Variants in IL20RA observed in about 807,000 individuals in gnomAD.
IL20RA encodes interleukin-20 receptor subunit alpha.
A neutral mutation model predicts 36.5 loss-of-function variants in IL20RA; 29 were observed. The ratio of observed to expected loss-of-function variants is 0.79; its 90% CI spans 0.59 to 1.08. The LOEUF (loss-of-function observed/expected upper bound fraction) is 1.08, where lower values mean the gene tolerates loss of function less well. Among genes scored for constraint, IL20RA ranks in the 50% least tolerant of loss-of-function variants. The probability of loss-of-function intolerance (pLI) is 0.00; values close to 1 mark genes in which losing one functional copy is unlikely to be tolerated. For synonymous variants in IL20RA, 279 were observed against 267.1 expected (o/e 1.04, Z -0.43); for missense variants, 652 against 668.4 (o/e 0.98, Z 0.27).
At chr6:137,027,888 A>G (rs1167849) in intron 1 of IL20RA, among the ~76,000 whole-genome samples, 87,619 of 152,186 alleles carry the variant, frequency 0.58, 30,574 homozygotes, top group East Asian at 0.91. Flanking sequence ...AATGCTCCCA[A>G]GTACAGTGTT....
chr6:137,037,458 AC>A (rs1262358428), intron 1 of IL20RA, among the ~76,000 whole-genome samples: 1 of 152,232 alleles, frequency 6.6e-6, no homozygotes, highest in African/African-American at 2.4e-5. Context: ...GCAAACAGAA[AC>A]AAAATCACCT....
Position 137,001,262 on chromosome 6 carries a change from G to C in IL20RA, c.*296C>G. 1 of 266,330 alleles carries C rather than the reference G, an allele frequency of 3.8e-6. No individual in the cohort carries two copies. The highest frequency in any genetic ancestry group is 2.2e-5 in the African/African-American group (1 of 45,528). 16.5% of individuals were successfully genotyped at this position (266,330 alleles called of 1,614,324 possible). ...GAAAATAATGAACCAAGAGGCCAGA[G>C]TACACCCACCTGAATAAATTCTGCA... On this transcript the variant is annotated 3_prime_UTR_variant, in exon 7 of 7. Transcript: ENST00000316649.
At chr6:137,014,366 G>A (rs1283899868) in intron 2 of IL20RA, among the ~76,000 whole-genome samples, 1 of 152,130 alleles carries the variant, frequency 6.6e-6, no homozygotes. Context: ...TATGATTCTG[G>A]ATATCTCATT....
chr6:137,006,861 C>A (rs575416574), intron 5 of IL20RA, among the ~76,000 whole-genome samples: 18 of 152,062 alleles, frequency 1.2e-4, no homozygotes, highest in Admixed American at 2.0e-4. Context: ...GTAGCTTGGA[C>A]TAAAGGTGTG....
chr6:137,004,159 C>CGTTTTTTTTTT lies in IL20RA; in HGVS notation c.864+461_864+462insAAAAAAAAAAC, dbSNP rs531501235. On this transcript the variant is annotated intron_variant, in intron 6 of 6. Transcript: ENST00000316649. Reference sequence around the variant, plus strand: ...TCTGTTAGTCAGCTAATCCAGAAAGCTTTTTTTTTTTTTTTTTTTTTTTTT... The same window carrying CGTTTTTTTTTT: ...TCTGTTAGTCAGCTAATCCAGAAAGCGTTTTTTTTTTTTTTTTTTTTTTTTTTTTTTTTTTT... 3.3e-4 allele frequency among the ~76,000 whole-genome samples: 29 copies of CGTTTTTTTTTT among 88,016 alleles called. 14 individuals carry two copies. Among genetic ancestry groups the CGTTTTTTTTTT allele is most frequent in the Non-Finnish European group, 2.8e-4 (14 of 49,124 alleles). The allele number at this position is 88,016 out of a possible 152,430, so 57.7% of individuals were successfully genotyped here.
At chr6:137,002,440 A>G (rs992546043) in intron 6 of IL20RA, 85 bp from the exon 7 acceptor site, 2 of 893,830 alleles carry the variant, frequency 2.2e-6, no homozygotes, top group African/African-American at 1.7e-5. Flanking sequence ...TCTTGTCACC[A>G]GACAGTTTTA....
chr6:137,012,897 G>T (rs1467206874), intron 2 of IL20RA, among the ~76,000 whole-genome samples: 1 of 152,008 alleles, frequency 6.6e-6, no homozygotes, highest in Non-Finnish European at 1.5e-5. Flanking sequence ...CCTACCAAAA[G>T]ACATCAGAAA....
chr6:137,038,593 C>G (rs1397208923), intron 1 of IL20RA, among the ~76,000 whole-genome samples: 1 of 152,034 alleles, frequency 6.6e-6, no homozygotes, highest in South Asian at 2.1e-4. Context: ...ATGTCATAAA[C>G]TGTAGACTAA....
intron 1 of IL20RA, among the ~76,000 whole-genome samples, chr6:137,023,911 T>G (rs276483): frequency 0.78 from 118,862 of 152,008 alleles, 52,447 homozygotes; most frequent in East Asian, 1. Flanking sequence ...CTGGCCAACA[T>G]GGTGAAACAC....
intron 1 of IL20RA, among the ~76,000 whole-genome samples, chr6:137,022,820 T>C (rs1775949976): frequency 6.6e-6 from 1 of 152,090 alleles, no homozygotes; most frequent in Non-Finnish European, 1.5e-5. Flanking sequence ...GAATGCCATG[T>C]GAAGACGAAG....
Position 137,008,678 on chromosome 6 carries a change from G to A in IL20RA, c.645C>T (p.Cys215=), listed in dbSNP as rs1432859703. 5.0e-6 allele frequency: 8 copies of A among 1,608,118 alleles called. No individual in the cohort carries two copies. The highest frequency in any genetic ancestry group is 6.8e-6 in the Non-Finnish European group (8 of 1,177,394). The change falls in exon 5 of 7, where the codon TGC becomes TGT. Residue 215 remains cysteine (C), a synonymous_variant. Coordinates refer to ENST00000316649, the MANE Select transcript of IL20RA (RefSeq NM_014432.4). ...LTWLEPNTLY[C]VHVESFVPGP... The stretch of plus-strand genomic sequence containing the variant: ...CTGGGACGAAGGACTCCACGTGTAC[G>A]CAGTAAAGAGTGTTCGGCTCCAGCC...
At chr6:137,029,951 T>A (rs1321416683) in intron 1 of IL20RA, among the ~76,000 whole-genome samples, 25 of 130,824 alleles carry the variant, frequency 1.9e-4, no homozygotes, top group Non-Finnish European at 2.5e-4. Flanking sequence ...TAAAAAAAAA[T>A]GAGGCAGAAA....
chr6:137,009,388 C>T lies in IL20RA; in HGVS notation c.508G>A (p.Val170Ile). 1 of 1,612,852 alleles carries T rather than the reference C, an allele frequency of 6.2e-7. No homozygotes were observed. The highest frequency in any genetic ancestry group is 8.5e-7 in the Non-Finnish European group (1 of 1,178,966). The stretch of plus-strand genomic sequence containing the variant: ...TTGGAGTATATTTGTTGCATGGAAA[C>T]AGGAAGGTCTTCTGGATTTCTCTTC... Reference protein sequence around the residue: ...KWKRNPEDLPVSMQQIYSNLK... With the variant: ...KWKRNPEDLPISMQQIYSNLK... Residue 170 changes from valine (V) to isoleucine (I), a missense_variant, in exon 4 of 7, where the codon GTT (valine) becomes ATT (isoleucine). By Grantham distance (29) the Val-to-Ile change is conservative (BLOSUM62 3). Transcript: ENST00000316649.
chr6:137,012,996 AG>A (rs1265895514), intron 2 of IL20RA, among the ~76,000 whole-genome samples: 2 of 152,154 alleles, frequency 1.3e-5, no homozygotes, highest in Non-Finnish European at 2.9e-5. Flanking sequence ...CATGATCCAC[AG>A]GGAAAAGAAA....
At chr6:137,011,614 AT>A (rs1221549740) in intron 2 of IL20RA, among the ~76,000 whole-genome samples, 162 bp from the exon 3 acceptor site, 1 of 152,158 alleles carries the variant, frequency 6.6e-6, no homozygotes, top group African/African-American at 2.4e-5. Context: ...GCGGTGGGCA[AT>A]TTTTTTCATC....
chr6:137,044,467 C>T (rs1562246324), intron 1 of IL20RA, among the ~76,000 whole-genome samples, 174 bp downstream of exon 1: 1 of 151,970 alleles, frequency 6.6e-6, no homozygotes, highest in Non-Finnish European at 1.5e-5. Context: ...GTCCCCCGGG[C>T]TCCCTGCAGC....
intron 1 of IL20RA, among the ~76,000 whole-genome samples, chr6:137,029,941 TAAA>T (rs5880328): frequency 6.7e-6 from 1 of 149,792 alleles, no homozygotes; most frequent in Admixed American, 6.6e-5. Flanking sequence ...ATAGAAAAGG[TAAA>T]AAAAAATGAG....
Position 137,002,225 on chromosome 6 carries a change from T to C in IL20RA, c.995A>G (p.Lys332Arg), listed in dbSNP as rs1462455130. ...ATTAAGGCTGGATACATCACTGCTT[T>C]TTCCCAGTAAACTCATATCCTGATG... ...ISHQDMSLLG[K>R]SSDVSSLNDP... is the part of the protein sequence containing the mutation. The change falls in exon 7 of 7, where the codon AAA becomes AGA. Residue 332 changes from lysine (K) to arginine (R), a missense_variant. Transcript: ENST00000316649. The C allele has an allele frequency of 6.2e-7, 1 of 1,614,170 alleles. No individual in the cohort carries two copies. The highest frequency in any genetic ancestry group is 8.5e-7 in the Non-Finnish European group (1 of 1,180,022).
At chr6:137,003,764 C>T (rs541038311) in intron 6 of IL20RA, among the ~76,000 whole-genome samples, 1 of 152,160 alleles carries the variant, frequency 6.6e-6, no homozygotes, top group Non-Finnish European at 1.5e-5. Context: ...ACTGCCTACT[C>T]TCCAGTCTCA....
Sources: gnomAD v4.1 joint callset for allele counts (sites outside exome capture counted in the v4.1 genomes callset) on GRCh38, gnomAD v4.1.1 for gene constraint, MANE v1.5 for transcripts, NCBI Gene and HGNC (gene_info 2026-07-23, HGNC 2026-07-21) for gene names.